The following KAZN variants were observed in gnomAD, a reference collection of about 807,000 sequenced individuals.
The protein encoded by KAZN is kazrin.
Under a neutral mutation model 87.4 loss-of-function variants are expected in KAZN, and 40 were observed. The ratio of observed to expected loss-of-function variants is 0.46; its 90% CI spans 0.36 to 0.60. The LOEUF (loss-of-function observed/expected upper bound fraction) is 0.60, where lower values mean the gene tolerates loss of function less well. Among genes scored for constraint, KAZN ranks in the 20% least tolerant of loss-of-function variants. The pLI is 0.00. For synonymous variants in KAZN, 466 were observed against 458.3 expected, an observed-to-expected ratio of 1.02 and a Z score of -0.22; for missense variants, 898 against 1,073.9, an observed-to-expected ratio of 0.84 and a Z score of 2.29.
At chr1:14,925,981 G>A (rs1413155522) in intron 1 of KAZN, among the ~76,000 whole-genome samples, 6 of 152,190 alleles carry the variant, frequency 3.9e-5, no homozygotes, top group African/African-American at 1.4e-4. Flanking sequence ...CTGTACAGTG[G>A]AAATAATAAT....
intron 1 of KAZN, among the ~76,000 whole-genome samples, chr1:14,794,820 C>T (rs1052613827): frequency 3.9e-5 from 6 of 152,168 alleles, no homozygotes; most frequent in Admixed American, 3.9e-4. Flanking sequence ...AGTCAGTGGA[C>T]TGGGCAAGGC....
Position 15,066,966 on chromosome 1 carries a change from C to A in KAZN, c.1222+1213C>A. ...TGAGCAGAGTGCTGACAGTCATGGT[C>A]CCCTTCTTTGGGTCTGTCTTTTGAG... On this transcript the variant is annotated intron_variant, in intron 8 of 14. Coordinates refer to ENST00000376030, the MANE Select transcript of KAZN (RefSeq NM_201628.3). This position sits in a 1 kb window ranked among gnomAD's most constrained non-coding sequence, Gnocchi z 4.3. 1 of 985,514 alleles carries A rather than the reference C, an allele frequency of 1.0e-6. No homozygotes were observed. The highest frequency in any genetic ancestry group is 1.2e-6 in the Non-Finnish European group (1 of 830,004). 61.0% of individuals were successfully genotyped at this position (985,514 alleles called of 1,614,324 possible). A position where few individuals can be genotyped will look rare whatever the true frequency, so the allele number is the denominator to read the frequency against.
chr1:14,649,512 C>T (rs138987351), intron 1 of KAZN, among the ~76,000 whole-genome samples: 165 of 152,294 alleles, frequency 1.1e-3, no homozygotes, highest in African/African-American at 3.8e-3. Flanking sequence ...TCATAGGCCA[C>T]GTTCACATTT....
intron 1 of KAZN, among the ~76,000 whole-genome samples, chr1:13,948,958 A>G (rs931357998): frequency 6.6e-5 from 10 of 152,172 alleles, no homozygotes; most frequent in African/African-American, 2.2e-4. Context: ...TGGACTCAAG[A>G]TGCATGACTC....
At chr1:14,717,873 C>T (rs1264332946) in intron 1 of KAZN, among the ~76,000 whole-genome samples, 5 of 152,224 alleles carry the variant, frequency 3.3e-5, no homozygotes, top group African/African-American at 1.2e-4. Context: ...CACCGACCCC[C>T]ACCCCTGCTG....
At chr1:14,552,294 T>C (rs773502660) in intron 2 of KAZN, among the ~76,000 whole-genome samples, 18 of 152,310 alleles carry the variant, frequency 1.2e-4, no homozygotes, top group Middle Eastern at 3.4e-3. Context: ...TACAGAAAGA[T>C]CCGGCTAGCA....
At chr1:14,412,119 G>T (rs1010461156) in intron 2 of KAZN, among the ~76,000 whole-genome samples, 3 of 152,130 alleles carry the variant, frequency 2.0e-5, no homozygotes. Flanking sequence ...GAAAGAGGAG[G>T]AAAGTGTACA....
chr1:14,884,208 A>G (rs1572725706), intron 1 of KAZN, among the ~76,000 whole-genome samples: 3 of 152,230 alleles, frequency 2.0e-5, no homozygotes, highest in Admixed American at 2.0e-4. Flanking sequence ...CCTGGCCAAC[A>G]TGGTGGAACC....
intron 2 of KAZN, among the ~76,000 whole-genome samples, chr1:14,478,579 C>T (rs889565940): frequency 6.6e-6 from 1 of 152,192 alleles, no homozygotes; most frequent in Non-Finnish European, 1.5e-5. Flanking sequence ...TTAATATTTT[C>T]CTTCTTCCTT....
chr1:14,378,722 C>G (rs1027459025), intron 2 of KAZN, among the ~76,000 whole-genome samples: 1 of 152,162 alleles, frequency 6.6e-6, no homozygotes, highest in Non-Finnish European at 1.5e-5. Context: ...GGGGATATTC[C>G]ATCCAGGCAG....
At chr1:14,570,670 A>G (rs1378779396) in intron 2 of KAZN, among the ~76,000 whole-genome samples, 1 of 152,200 alleles carries the variant, frequency 6.6e-6, no homozygotes, top group Non-Finnish European at 1.5e-5. Context: ...TTGAACTATT[A>G]TGAATAATGC....
intron 1 of KAZN, among the ~76,000 whole-genome samples, chr1:14,918,737 T>A (rs1183160367): frequency 4.4e-5 from 5 of 113,380 alleles, no homozygotes; most frequent in Non-Finnish European, 7.1e-5. Flanking sequence ...TATATATATA[T>A]ATATATATAT....
chr1:14,644,855 C>T (rs1193299209), intron 1 of KAZN, among the ~76,000 whole-genome samples: 1 of 152,138 alleles, frequency 6.6e-6, no homozygotes, highest in Non-Finnish European at 1.5e-5. Flanking sequence ...CTTTTGGTGT[C>T]TTTGTCGTGA....
chr1:14,864,833 G>C (rs1400075143), intron 1 of KAZN, among the ~76,000 whole-genome samples: 1 of 152,058 alleles, frequency 6.6e-6, no homozygotes, highest in Non-Finnish European at 1.5e-5. Context: ...TCAGACCTTG[G>C]TCTTCTCATG....
At chr1:14,561,951 C>G (rs1452548698) in intron 2 of KAZN, among the ~76,000 whole-genome samples, 1 of 151,954 alleles carries the variant, frequency 6.6e-6, no homozygotes, top group Non-Finnish European at 1.5e-5. Context: ...GAAATTCCTC[C>G]TAGTTGAAGA....
At chr1:14,059,628 C>T (rs148711355) in intron 1 of KAZN, among the ~76,000 whole-genome samples, 1 of 152,328 alleles carries the variant, frequency 6.6e-6, no homozygotes, top group African/African-American at 2.4e-5. Flanking sequence ...AGTAACTATA[C>T]TTTACCAGCT....
At chr1:14,541,430 G>A (rs775184284) in intron 2 of KAZN, among the ~76,000 whole-genome samples, 33 of 152,188 alleles carry the variant, frequency 2.2e-4, no homozygotes, top group Non-Finnish European at 4.0e-4. Flanking sequence ...GTCAAGGCAA[G>A]TTCAGTCCCA....
intron 1 of KAZN, among the ~76,000 whole-genome samples, chr1:13,923,633 G>C (rs1198238071): frequency 2.0e-5 from 3 of 151,136 alleles, no homozygotes; most frequent in African/African-American, 7.3e-5. Context: ...TCATCATAAA[G>C]GTCATCATCC....
At chr1:15,067,791 G>A (rs1036570887) in intron 8 of KAZN, 71 of 985,160 alleles carry the variant, frequency 7.2e-5, no homozygotes, top group South Asian at 2.3e-4. Flanking sequence ...TAGGGGTGAC[G>A]GGGAGCGACC....
Sources: gnomAD v4.1 joint callset for allele counts (sites outside exome capture counted in the v4.1 genomes callset) on GRCh38, gnomAD v4.1.1 for gene constraint, Gnocchi (gnomAD v3.1) non-coding constraint, MANE v1.5 for transcripts, NCBI Gene and HGNC (gene_info 2026-07-23, HGNC 2026-07-21) for gene names.